The following ENTREP2 variants were observed in gnomAD, a reference collection of about 807,000 sequenced individuals.
ENTREP2 encodes the protein protein ENTREP2.
At chr15:29,570,592 G>A in the ENTREP2 span, 2 of 1,464,356 alleles carry the variant, frequency 1.4e-6, no homozygotes, top group Non-Finnish European at 9.0e-7. Context: ...CCACGATGAG[G>A]CATCCGAGCG....
chr15:29,489,076 C>T, the ENTREP2 span, among the ~76,000 whole-genome samples: 1 of 151,964 alleles, frequency 6.6e-6, no homozygotes, highest in African/African-American at 2.4e-5. Context: ...ATGTACTAAA[C>T]GTCAAAGAAT....
At chr15:29,603,864 C>G in the ENTREP2 span, among the ~76,000 whole-genome samples, 1 of 152,052 alleles carries the variant, frequency 6.6e-6, no homozygotes, top group Non-Finnish European at 1.5e-5. Context: ...GTCTTGAACT[C>G]GTGACCTCAG....
chr15:29,418,190 AC>A, the ENTREP2 span, among the ~76,000 whole-genome samples: 1 of 152,092 alleles, frequency 6.6e-6, no homozygotes, highest in Admixed American at 6.6e-5. Context: ...TAAAAACCAA[AC>A]CTTTTATCCA....
the ENTREP2 span, among the ~76,000 whole-genome samples, chr15:29,472,830 G>T: frequency 6.6e-6 from 1 of 152,148 alleles, no homozygotes; most frequent in East Asian, 1.9e-4. Context: ...ATAAATACAA[G>T]AATCTCCCTT....
At chr15:29,126,429 A>T in the ENTREP2 span, 1 of 1,549,800 alleles carries the variant, frequency 6.5e-7, no homozygotes, top group Non-Finnish European at 8.7e-7. Context: ...CCATCGGGGG[A>T]TGGGCTGGAA....
the ENTREP2 span, among the ~76,000 whole-genome samples, chr15:29,489,761 G>A: frequency 6.6e-6 from 1 of 152,132 alleles, no homozygotes. Context: ...CCTGCCTGAT[G>A]CCGTCCACAA....
the ENTREP2 span, among the ~76,000 whole-genome samples, chr15:29,564,673 A>G: frequency 2.6e-5 from 4 of 152,122 alleles, no homozygotes; most frequent in African/African-American, 7.2e-5. Flanking sequence ...TTAAAGGGTG[A>G]GCAGCTCATG....
chr15:29,267,520 T>A, the ENTREP2 span: 1 of 152,158 alleles, frequency 6.6e-6, no homozygotes, highest in Admixed American at 6.5e-5. Flanking sequence ...TAATTCAAAT[T>A]CAGTTTGCCA....
the ENTREP2 span, among the ~76,000 whole-genome samples, chr15:29,409,722 G>A: frequency 1.3e-5 from 2 of 151,664 alleles, no homozygotes; most frequent in Non-Finnish European, 1.5e-5. Flanking sequence ...CACAACCTCC[G>A]AGTAGCTGGG....
At chr15:29,446,592 GCTTTTTCT>G in the ENTREP2 span, among the ~76,000 whole-genome samples, 69 of 152,316 alleles carry the variant, frequency 4.5e-4, no homozygotes, top group South Asian at 0.014. Context: ...TGAGATCATG[GCTTTTTCT>G]TGATATACGT....
the ENTREP2 span, among the ~76,000 whole-genome samples, chr15:29,168,065 C>A: frequency 6.6e-6 from 1 of 152,106 alleles, no homozygotes; most frequent in Admixed American, 6.5e-5. Context: ...AGTGAAGTAA[C>A]TCAGGAATGG....
At chr15:29,385,500 G>A in the ENTREP2 span, among the ~76,000 whole-genome samples, 57 of 152,300 alleles carry the variant, frequency 3.7e-4, no homozygotes, top group African/African-American at 1.1e-3. Flanking sequence ...TAAACTTGGC[G>A]TGGCAGGCAG....
the ENTREP2 span, among the ~76,000 whole-genome samples, chr15:29,528,260 C>T: frequency 6.6e-6 from 1 of 150,620 alleles, no homozygotes; most frequent in Admixed American, 6.6e-5. Flanking sequence ...GATTGCATTC[C>T]ATAAAAATCC....
the ENTREP2 span, among the ~76,000 whole-genome samples, chr15:29,499,311 T>C: frequency 3.1e-5 from 2 of 65,260 alleles, no homozygotes; most frequent in South Asian, 9.5e-4. Context: ...GTATCTACTA[T>C]ATGTTTTTGC....
the ENTREP2 span, among the ~76,000 whole-genome samples, chr15:29,183,372 G>T: frequency 6.6e-6 from 1 of 152,318 alleles, no homozygotes; most frequent in South Asian, 2.1e-4. Flanking sequence ...CCCTGCCATC[G>T]CTGTGGAGTG....
At chr15:29,644,813 T>TAAAAAAAA in the ENTREP2 span, among the ~76,000 whole-genome samples, 1 of 61,250 alleles carries the variant, frequency 1.6e-5, no homozygotes, top group Non-Finnish European at 3.4e-5. Flanking sequence ...TCCATCTCCA[T>TAAAAAAAA]AAAAAAAAAA....
At chr15:29,204,817 T>C in the ENTREP2 span, among the ~76,000 whole-genome samples, 1 of 152,190 alleles carries the variant, frequency 6.6e-6, no homozygotes, top group South Asian at 2.1e-4. Flanking sequence ...TAAATTGTGG[T>C]AAAATACACA....
the ENTREP2 span, among the ~76,000 whole-genome samples, chr15:29,592,593 T>C: frequency 2.0e-5 from 3 of 152,202 alleles, no homozygotes; most frequent in Admixed American, 2.0e-4. Flanking sequence ...GTTAACACTG[T>C]TGCACTGGGG....
chr15:29,155,238 C>T, the ENTREP2 span, among the ~76,000 whole-genome samples: 16 of 150,054 alleles, frequency 1.1e-4, no homozygotes, highest in East Asian at 4.0e-4. Context: ...GCCAAGATCG[C>T]GCCACTGCAC....
Sources: gnomAD v4.1 joint callset for allele counts (sites outside exome capture counted in the v4.1 genomes callset) on GRCh38, gnomAD v4.1.1 for gene constraint, MANE v1.5 for transcripts, NCBI Gene and HGNC (gene_info 2026-07-23, HGNC 2026-07-21) for gene names.